The following NFXL1 variants were observed in gnomAD, a reference collection of about 807,000 sequenced individuals.
NFXL1 encodes the protein nuclear transcription factor, X-box binding like 1.
A neutral mutation model predicts 123.3 loss-of-function variants in NFXL1; 66 were observed. The ratio of observed to expected loss-of-function variants is 0.54; its 90% CI spans 0.44 to 0.66. The LOEUF (loss-of-function observed/expected upper bound fraction) is 0.66. Among genes scored for constraint, NFXL1 ranks in the 30% least tolerant of loss-of-function variants. The pLI, the probability that NFXL1 is intolerant of heterozygous loss-of-function variation, is 0.00. For synonymous variants in NFXL1, 346 were observed against 360.8 expected (o/e 0.96, Z 0.46); for missense variants, 944 against 1,125.6 (o/e 0.84, Z 2.31).
intron 19 of NFXL1, 96 bp downstream of exon 19, chr4:47,862,750 A>C: frequency 1.3e-6 from 1 of 753,536 alleles, no homozygotes; most frequent in South Asian, 1.6e-5. Context: ...GATACAACAG[A>C]GAAGACCTGA....
At chr4:47,862,383 C>T (rs1485723497) in intron 19 of NFXL1, among the ~76,000 whole-genome samples, 3 of 152,188 alleles carry the variant, frequency 2.0e-5, no homozygotes, top group Non-Finnish European at 2.9e-5. Flanking sequence ...GTATCTTCTA[C>T]GTCACCATCT....
intron 12 of NFXL1, 50 bp downstream of exon 12, chr4:47,890,563 A>C (rs1736706167): frequency 1.0e-6 from 1 of 991,204 alleles, no homozygotes; most frequent in Non-Finnish European, 1.6e-6. Context: ...TGAAAAAAAA[A>C]ACCACTACAT....
At chr4:47,896,474 C>T (rs6447592) in intron 10 of NFXL1, 49 bp downstream of exon 10, 1,060,593 of 1,424,130 alleles carry the variant, frequency 0.74, 396,759 homozygotes, top group South Asian at 0.76. Flanking sequence ...TCATTTGATA[C>T]ATTATGATAG....
chr4:47,879,767 A>C (rs1443498262), intron 15 of NFXL1, among the ~76,000 whole-genome samples: 1 of 152,206 alleles, frequency 6.6e-6, no homozygotes, highest in African/African-American at 2.4e-5. Flanking sequence ...AAATGGAACC[A>C]CACAAATCAT....
At chr4:47,868,793 A>C (rs1278814665) in intron 18 of NFXL1, among the ~76,000 whole-genome samples, 3 of 152,240 alleles carry the variant, frequency 2.0e-5, no homozygotes, top group Non-Finnish European at 4.4e-5. Flanking sequence ...ATAAGAATTC[A>C]AGCCAAAAGT....
At chr4:47,911,899 C>T (rs1737844554) in intron 2 of NFXL1, among the ~76,000 whole-genome samples, 1 of 152,206 alleles carries the variant, frequency 6.6e-6, no homozygotes, top group South Asian at 2.1e-4. Flanking sequence ...CACAAACCTG[C>T]AGAACTGATC....
intron 8 of NFXL1, among the ~76,000 whole-genome samples, chr4:47,898,340 T>C (rs1737213190): frequency 6.6e-6 from 1 of 152,050 alleles, no homozygotes; most frequent in African/African-American, 2.4e-5. Context: ...TACATGCAGC[T>C]CCATATGGCC....
intron 19 of NFXL1, among the ~76,000 whole-genome samples, chr4:47,859,865 AAAAAACAAAC>A (rs1734646072): frequency 1.1e-4 from 4 of 36,818 alleles, no homozygotes; most frequent in Admixed American, 3.6e-4. Context: ...AAAAAAAAAA[AAAAAACAAAC>A]AAACAAAAAA....
At chr4:47,859,525 C>T (rs940325486) in intron 19 of NFXL1, among the ~76,000 whole-genome samples, 1 of 152,072 alleles carries the variant, frequency 6.6e-6, no homozygotes, top group Non-Finnish European at 1.5e-5. Context: ...AATGAGACAA[C>T]CAAATTCATA....
At chr4:47,851,065 G>C (rs756472307) in intron 22 of NFXL1, 30 bp downstream of exon 22, 2 of 1,543,726 alleles carry the variant, frequency 1.3e-6, no homozygotes, top group Admixed American at 3.3e-5. Context: ...GATGCTAAGA[G>C]ACATAAATCT....
At chr4:47,850,970 A>G in intron 22 of NFXL1, 125 bp downstream of exon 22, 1 of 669,456 alleles carries the variant, frequency 1.5e-6, no homozygotes, top group East Asian at 2.7e-5. Context: ...TTGTTTTACA[A>G]GAACTGTTAT....
chr4:47,853,730 A>G (rs1040682066), intron 20 of NFXL1, among the ~76,000 whole-genome samples: 1 of 152,148 alleles, frequency 6.6e-6, no homozygotes, highest in Non-Finnish European at 1.5e-5. Flanking sequence ...ACAGATTCAC[A>G]GAGATGATTG....
In NFXL1 at chr4:47,879,130, A is replaced by T. The variant is rs1735931053; in HGVS notation, c.1917-13T>A. The stretch of plus-strand genomic sequence containing the variant: ...CCCAAGACATTCCCTACAAGGAAAA[A>T]ATAAAATAAAATGAAAACATTACAA... On this transcript the variant is annotated splice_polypyrimidine_tract_variant and intron_variant, in intron 15 of 22. Transcript: ENST00000507489. The T allele has an allele frequency of 8.2e-7, 1 of 1,225,338 alleles. No homozygotes were observed. Among genetic ancestry groups the T allele is most frequent in the African/African-American group, 1.6e-5 (1 of 62,790 alleles). 75.9% of individuals were successfully genotyped at this position (1,225,338 alleles called of 1,614,324 possible).
chr4:47,851,541 A>T (rs1361461473), intron 21 of NFXL1, among the ~76,000 whole-genome samples: 3 of 152,096 alleles, frequency 2.0e-5, no homozygotes, highest in Non-Finnish European at 4.4e-5. Context: ...ATGTGCTATC[A>T]TGGAAGGGAA....
At chr4:47,905,121 C>T (rs538832871) in intron 4 of NFXL1, 116 bp downstream of exon 4, 8 of 458,382 alleles carry the variant, frequency 1.7e-5, no homozygotes, top group Non-Finnish European at 3.1e-5. Flanking sequence ...ACAAAATTCT[C>T]AAATGAAGCA....
chr4:47,885,543 A>T lies in NFXL1; in HGVS notation c.1779T>A (p.Cys593Ter). Residue 593 changes from cysteine (C) to a stop codon, truncating the protein, a stop_gained, in exon 14 of 23, where the codon TGT (cysteine) becomes TGA (stop). Coordinates refer to ENST00000507489, the MANE Select transcript of NFXL1 (RefSeq NM_001278624.2). LOFTEE classifies it high-confidence loss of function. ...ATGCTTGATCATGACACGGAGCAGG[A>T]CACAAGTGACCACATTTCTCCAAAA... The part of the protein sequence containing the change: ...QKVLEKCGHL[C>*]PAPCHDQALI... 1 of 1,613,848 alleles carries T rather than the reference A, an allele frequency of 6.2e-7. No individual in the cohort carries two copies. The highest frequency in any genetic ancestry group is 8.5e-7 in the Non-Finnish European group (1 of 1,179,704).
intron 2 of NFXL1, among the ~76,000 whole-genome samples, chr4:47,912,209 T>C (rs1039933967): frequency 2.0e-5 from 3 of 152,164 alleles, no homozygotes; most frequent in African/African-American, 7.2e-5. Flanking sequence ...ATGAGATATA[T>C]AACTCAAAAC....
At chr4:47,882,200 A>T (rs1011144680) in intron 15 of NFXL1, 1 of 152,226 alleles carries the variant, frequency 6.6e-6, no homozygotes, top group Non-Finnish European at 1.5e-5. Flanking sequence ...CTTAAAAAAT[A>T]AAACCTATTT....
intron 18 of NFXL1, among the ~76,000 whole-genome samples, chr4:47,870,022 A>T (rs578060700): frequency 2.9e-4 from 44 of 152,230 alleles, no homozygotes; most frequent in African/African-American, 1.0e-3. Context: ...TAAGAGAGAG[A>T]AATTTTCATT....
Sources: gnomAD v4.1 joint callset for allele counts (sites outside exome capture counted in the v4.1 genomes callset) on GRCh38, gnomAD v4.1.1 for gene constraint, MANE v1.5 for transcripts, NCBI Gene and HGNC (gene_info 2026-07-23, HGNC 2026-07-21) for gene names.